The following DEPDC1B variants were observed in gnomAD, a reference collection of about 807,000 sequenced individuals.
DEPDC1B encodes DEP domain-containing protein 1B.
Under a neutral mutation model 66.5 loss-of-function variants are expected in DEPDC1B, and 51 were observed. The observed-to-expected ratio is 0.77, with a 90% CI of 0.61 to 0.97. DEPDC1B has a LOEUF of 0.97. Among genes scored for constraint, DEPDC1B ranks in the 50% least tolerant of loss-of-function variants. The pLI, the probability that DEPDC1B is intolerant of heterozygous loss-of-function variation, is 0.00. For missense variants in DEPDC1B, 552 were observed against 637.1 expected, an observed-to-expected ratio of 0.87 and a Z score of 1.44; for synonymous variants, 226 against 223.6, an observed-to-expected ratio of 1.01 and a Z score of -0.10.
At chr5:60,652,848 C>A (rs950168985) in intron 2 of DEPDC1B, among the ~76,000 whole-genome samples, 1 of 149,164 alleles carries the variant, frequency 6.7e-6, no homozygotes, top group African/African-American at 2.5e-5. Flanking sequence ...AGTGAGGACA[C>A]GCAATGTTTG....
At chr5:60,662,091 TA>T (rs527796506) in intron 2 of DEPDC1B, among the ~76,000 whole-genome samples, 3 of 147,828 alleles carry the variant, frequency 2.0e-5, no homozygotes, top group East Asian at 2.0e-4. Context: ...CTGCAGACAT[TA>T]AAAAAAAAAC....
In DEPDC1B at chr5:60,662,968, C is replaced by G. The variant is rs1753753708; in HGVS notation, c.315-15435G>C. ...ACTATCCGAGGAGTCCTAGAACAGGCAGTCACTAAATACTTCTCCTAGCCA... is the reference window on the plus strand; with the variant it reads ...ACTATCCGAGGAGTCCTAGAACAGGGAGTCACTAAATACTTCTCCTAGCCA... On this transcript the variant is annotated intron_variant, in intron 2 of 10. Transcript: ENST00000265036. 2.6e-5 allele frequency among the ~76,000 whole-genome samples: 4 copies of G among 152,278 alleles called. No homozygotes were observed. The South Asian group carries it at 8.3e-4, about 32-fold the overall frequency.
At chr5:60,623,120 T>C (rs1271696265) in intron 7 of DEPDC1B, among the ~76,000 whole-genome samples, 2 of 152,204 alleles carry the variant, frequency 1.3e-5, no homozygotes, top group Non-Finnish European at 2.9e-5. Context: ...TAGATATCTC[T>C]ATTATATTTG....
chr5:60,699,213 C>G (rs146103611), intron 1 of DEPDC1B, among the ~76,000 whole-genome samples: 1 of 152,104 alleles, frequency 6.6e-6, no homozygotes, highest in African/African-American at 2.4e-5. Flanking sequence ...TAGTTCCCAT[C>G]TTTTCCTGTG....
intron 2 of DEPDC1B, among the ~76,000 whole-genome samples, chr5:60,660,029 C>G (rs1315518084): frequency 6.6e-6 from 1 of 152,014 alleles, no homozygotes; most frequent in Non-Finnish European, 1.5e-5. Context: ...CATAATAGAT[C>G]AGGATGAAAA....
At chr5:60,604,851 G>A (rs1752278209) in intron 8 of DEPDC1B, among the ~76,000 whole-genome samples, 1 of 152,060 alleles carries the variant, frequency 6.6e-6, no homozygotes, top group African/African-American at 2.4e-5. Flanking sequence ...AGGTCTATTA[G>A]CCTCTCTAAC....
At chr5:60,641,782 C>G (rs535278274) in intron 6 of DEPDC1B, among the ~76,000 whole-genome samples, 105 of 152,186 alleles carry the variant, frequency 6.9e-4, no homozygotes. Flanking sequence ...AAGCACTTCC[C>G]CAAGCTAAGA....
intron 6 of DEPDC1B, among the ~76,000 whole-genome samples, chr5:60,640,346 G>T (rs1561370572): frequency 6.6e-6 from 1 of 152,038 alleles, no homozygotes. Context: ...GTACCCCTTT[G>T]TGAACATCTC....
At chr5:60,668,207 TTA>T (rs372604342) in intron 2 of DEPDC1B, among the ~76,000 whole-genome samples, 1 of 35,520 alleles carries the variant, frequency 2.8e-5, no homozygotes, top group Non-Finnish European at 6.2e-5. Flanking sequence ...AATGGATATT[TTA>T]TATATATATA....
intron 7 of DEPDC1B, among the ~76,000 whole-genome samples, chr5:60,630,227 G>A (rs1459279462): frequency 1.3e-5 from 2 of 152,164 alleles, no homozygotes; most frequent in Non-Finnish European, 2.9e-5. Context: ...TCTTTCAGAT[G>A]TTCTTTCAAA....
intron 9 of DEPDC1B, among the ~76,000 whole-genome samples, chr5:60,601,425 C>T (rs1037107997): frequency 1.3e-5 from 2 of 152,210 alleles, no homozygotes; most frequent in Non-Finnish European, 2.9e-5. Context: ...TGAACACTCT[C>T]TTATACCACT....
At chr5:60,692,623 C>T (rs1754572817) in intron 1 of DEPDC1B, among the ~76,000 whole-genome samples, 1 of 152,050 alleles carries the variant, frequency 6.6e-6, no homozygotes, top group South Asian at 2.1e-4. Context: ...GCAATATCTA[C>T]AAAAGCTAAA....
At chr5:60,684,063 A>G (rs1754356856) in intron 2 of DEPDC1B, among the ~76,000 whole-genome samples, 1 of 152,120 alleles carries the variant, frequency 6.6e-6, no homozygotes, top group South Asian at 2.1e-4. Flanking sequence ...AATCTCTATA[A>G]AGAAAACTAC....
chr5:60,598,927 G>A (rs1315998975), intron 10 of DEPDC1B, 148 bp downstream of exon 10: 2 of 607,202 alleles, frequency 3.3e-6, no homozygotes, highest in South Asian at 3.5e-5. Context: ...GTGTAAATCA[G>A]TGAGACTTCT....
Position 60,597,783 on chromosome 5 carries a change from T to C in DEPDC1B, c.1560A>G (p.Pro520=). 1.2e-6 allele frequency: 2 copies of C among 1,612,908 alleles called. No homozygotes were observed. Among genetic ancestry groups the C allele is most frequent in the East Asian group, 4.5e-5 (2 of 44,826 alleles). The change falls in exon 11 of 11, where the codon CCA becomes CCG. Residue 520 remains proline, a synonymous_variant. Coordinates refer to ENST00000265036, the MANE Select transcript of DEPDC1B (RefSeq NM_018369.3). ...LMWALKKPFQ[P]FQRTRSFRM ...TTCGAAAACTTCTAGTTCTTTGAAA[T>C]GGTTGGAAAGGCTTCTTTAGTGCCC...
At chr5:60,699,913 G>C in intron 1 of DEPDC1B, 133 bp downstream of exon 1, 6 of 1,095,740 alleles carry the variant, frequency 5.5e-6, no homozygotes, top group Non-Finnish European at 7.9e-6. Flanking sequence ...AGCCCCAGTA[G>C]TCCCAGCTGA....
intron 7 of DEPDC1B, among the ~76,000 whole-genome samples, chr5:60,607,432 G>A (rs1197014087): frequency 6.6e-6 from 1 of 152,108 alleles, no homozygotes; most frequent in African/African-American, 2.4e-5. Flanking sequence ...AAGAAAAAAG[G>A]TTTATGATAA....
intron 7 of DEPDC1B, chr5:60,628,207 T>C (rs1426220386): frequency 6.6e-6 from 1 of 152,228 alleles, no homozygotes. Flanking sequence ...CTTTCGGTGA[T>C]ACCTACCTTC....
chr5:60,617,752 A>G (rs1226213609), intron 7 of DEPDC1B, among the ~76,000 whole-genome samples: 1 of 152,200 alleles, frequency 6.6e-6, no homozygotes, highest in African/African-American at 2.4e-5. Context: ...TAACAAGGAT[A>G]TCCAGGAACT....
Sources: allele counts gnomAD v4.1 joint callset (sites outside exome capture counted in the v4.1 genomes callset), GRCh38; gene constraint gnomAD v4.1.1; transcripts MANE v1.5; gene names NCBI Gene and HGNC (gene_info 2026-07-23, HGNC 2026-07-21).